DGKG: variants seen among roughly 807,000 people sequenced by gnomAD.
DGKG encodes DAG kinase gamma.
DGKG carries 78 observed loss-of-function variants against 105.3 expected under a neutral mutation model. The ratio of observed to expected loss-of-function variants is 0.74; its 90% confidence interval spans 0.62 to 0.89. The LOEUF is 0.89. DGKG is among the 40% of genes least tolerant of loss of function. The pLI is 0.00. For missense variants in DGKG, 958 were observed against 1,020.1 expected, an observed-to-expected ratio of 0.94 and a Z score of 0.83; for synonymous variants, 346 against 367.1, an observed-to-expected ratio of 0.94 and a Z score of 0.66.
chr3:186,152,978 TTTTA>T (rs1187630196), intron 24 of DGKG, among the ~76,000 whole-genome samples: 1 of 149,982 alleles, frequency 6.7e-6, no homozygotes, highest in Non-Finnish European at 1.5e-5. Context: ...TTTTTTTTTT[TTTTA>T]TTTAGATGAC....
intron 16 of DGKG, 94 bp downstream of exon 16, chr3:186,260,345 A>AGACGAAAGAAAAAAAAGGT (rs529321927): frequency 1.8e-4 from 163 of 887,742 alleles, no homozygotes; most frequent in Middle Eastern, 1.3e-3. Flanking sequence ...ACAAGTTGAG[A>AGACGAAAGAAAAAAAAGGT]GACGAAAGAA....
At position 186,316,929 on chromosome 3, in the gene DGKG, C is replaced by T. The variant is rs559107648; in HGVS notation, c.67+3464G>A. Among the ~76,000 whole-genome samples, 43 of 152,360 alleles carry T rather than the reference C, an allele frequency of 2.8e-4. 1 individual carries two copies. Among genetic ancestry groups the T allele is most frequent in the African/African-American group, 9.9e-4 (41 of 41,592 alleles). On this transcript the variant is annotated intron_variant, in intron 2 of 24. Transcript: ENST00000265022. ...GGTGGGAATGACTTTTTCAGGGTTT[C>T]CTCTGAGGATTAATCATTTTGTAAG...
chr3:186,264,459 T>G (rs1721946675), intron 14 of DGKG, among the ~76,000 whole-genome samples: 1 of 152,164 alleles, frequency 6.6e-6, no homozygotes, highest in African/African-American at 2.4e-5. Flanking sequence ...AGATGGGGTT[T>G]CACCATGTTG....
chr3:186,299,015 A>G (rs911612107), intron 3 of DGKG, among the ~76,000 whole-genome samples: 1 of 152,210 alleles, frequency 6.6e-6, no homozygotes, highest in South Asian at 2.1e-4. Flanking sequence ...TGTCTCTCCC[A>G]GTACCGCCTG....
At chr3:186,259,877 A>C (rs13317374) in intron 16 of DGKG, among the ~76,000 whole-genome samples, 10,558 of 152,210 alleles carry the variant, frequency 0.069, 622 homozygotes, top group African/African-American at 0.15. Flanking sequence ...TGCTAACGAG[A>C]AGAGAATAGC....
intron 3 of DGKG, among the ~76,000 whole-genome samples, chr3:186,304,853 C>G (rs1316179224): frequency 6.6e-6 from 1 of 152,106 alleles, no homozygotes; most frequent in African/African-American, 2.4e-5. Flanking sequence ...TAACTTAAGA[C>G]CATGTAATTC....
At position 186,318,691 on chromosome 3, in the gene DGKG, C is replaced by G. The variant is rs186889011; in HGVS notation, c.67+1702G>C. ...TGAGGGCATGCAGGGAGAATACGGC[C>G]ATCCGCAAGCCAAAAACACAGCCCT... On this transcript the variant is annotated intron_variant, in intron 2 of 24. Coordinates refer to ENST00000265022, the MANE Select transcript of DGKG (RefSeq NM_001346.3). Among the ~76,000 whole-genome samples the G allele has an allele frequency of 3.1e-3, 478 of 152,190 alleles. 4 individuals are homozygous for G. The highest frequency in any genetic ancestry group is 2.1e-3 in the Non-Finnish European group (144 of 68,010).
intron 13 of DGKG, among the ~76,000 whole-genome samples, chr3:186,267,109 G>A (rs1377755044): frequency 6.6e-6 from 1 of 152,180 alleles, no homozygotes; most frequent in Non-Finnish European, 1.5e-5. Context: ...AAATCAGGCT[G>A]AGACATCCAA....
At chr3:186,290,311 A>G (rs111524648) in intron 5 of DGKG, among the ~76,000 whole-genome samples, 14 of 152,364 alleles carry the variant, frequency 9.2e-5, no homozygotes, top group Middle Eastern at 6.8e-3. Flanking sequence ...AAAATTACAT[A>G]TTTAATGAAG....
intron 21 of DGKG, among the ~76,000 whole-genome samples, chr3:186,195,824 C>T (rs1158272454): frequency 1.3e-5 from 2 of 152,164 alleles, no homozygotes; most frequent in African/African-American, 4.8e-5. Flanking sequence ...ACAGGCTTGA[C>T]TAGATTTAGG....
intron 3 of DGKG, among the ~76,000 whole-genome samples, chr3:186,302,588 A>G (rs1372191161): frequency 1.4e-5 from 2 of 141,694 alleles, no homozygotes; most frequent in East Asian, 2.0e-4. Flanking sequence ...ACCCACATAC[A>G]TATATTTATG....
intron 1 of DGKG, among the ~76,000 whole-genome samples, chr3:186,335,528 CATTT>C (rs1725792832): frequency 6.6e-6 from 1 of 152,134 alleles, no homozygotes; most frequent in Non-Finnish European, 1.5e-5. Flanking sequence ...TTTTCATATT[CATTT>C]AAAGTATACT....
intron 16 of DGKG, among the ~76,000 whole-genome samples, chr3:186,258,329 C>T (rs755116571): frequency 6.6e-6 from 1 of 152,140 alleles, no homozygotes; most frequent in Admixed American, 6.5e-5. Flanking sequence ...CAAGATGCAC[C>T]GAATTTGCTG....
intron 24 of DGKG, 95 bp downstream of exon 24, chr3:186,161,508 G>A (rs1339340211): frequency 5.0e-6 from 8 of 1,593,604 alleles, no homozygotes; most frequent in African/African-American, 2.7e-5. Context: ...CAGTCCCTGT[G>A]ACTCTGAGAT....
chr3:186,245,384 G>A (rs1211037596), intron 19 of DGKG, among the ~76,000 whole-genome samples: 1 of 152,146 alleles, frequency 6.6e-6, no homozygotes, highest in East Asian at 1.9e-4. Flanking sequence ...TCTATCTGGG[G>A]ATTAAAAAGA....
At chr3:186,327,409 C>A (rs866269699) in intron 1 of DGKG, among the ~76,000 whole-genome samples, 1 of 141,934 alleles carries the variant, frequency 7.0e-6, no homozygotes, top group Non-Finnish European at 1.5e-5. Context: ...TTTTTTGAGG[C>A]GTGGTTTCTC....
At position 186,231,901 on chromosome 3, in the gene DGKG, C is replaced by T. The variant is rs530814941; in HGVS notation, c.1826+10603G>A. ...GAGCCACTGACTCCAGCCTGGGTGACAGAGAGAGAGACTCCGTCTCAAAAA... is the reference window on the plus strand; with the variant it reads ...GAGCCACTGACTCCAGCCTGGGTGATAGAGAGAGAGACTCCGTCTCAAAAA... On this transcript the variant is annotated intron_variant, in intron 20 of 24. Transcript: ENST00000265022. The surrounding 1 kb of genome is among the most constrained non-coding windows in gnomAD (Gnocchi z 4.5). Among the ~76,000 whole-genome samples the T allele has an allele frequency of 2.0e-5, 3 of 152,142 alleles. No homozygotes were observed. In the South Asian group the frequency reaches 6.2e-4, roughly 32 times the overall value.
In DGKG at chr3:186,272,303, G is replaced by A; in HGVS notation, c.951C>T (p.Asn317=). 1 of 1,614,012 alleles carries A rather than the reference G, an allele frequency of 6.2e-7. No homozygotes were observed. The highest frequency in any genetic ancestry group is 8.5e-7 in the Non-Finnish European group (1 of 1,179,880). The stretch of plus-strand genomic sequence containing the variant: ...AGTACGTTTTGACACAACCAGGAAT[G>A]TTTCTGGACACACAGCGTTCGTGGA... ...YTVHERCVSR[N]IPGCVKTYSK... Residue 317 remains asparagine, a synonymous_variant, in exon 11 of 25, where the codon AAC becomes AAT. Coordinates refer to ENST00000265022, the MANE Select transcript of DGKG (RefSeq NM_001346.3).
At chr3:186,158,216 A>C (rs1263603707) in intron 24 of DGKG, 3 of 708,068 alleles carry the variant, frequency 4.2e-6, no homozygotes, top group Non-Finnish European at 5.2e-6. Flanking sequence ...GCTTCTCCTA[A>C]GATTGTTTTA....
Sources: gnomAD v4.1 joint callset for allele counts (sites outside exome capture counted in the v4.1 genomes callset) on GRCh38, gnomAD v4.1.1 for gene constraint, Gnocchi (gnomAD v3.1) non-coding constraint, MANE v1.5 for transcripts, NCBI Gene and HGNC (gene_info 2026-07-23, HGNC 2026-07-21) for gene names.